Variants in PLPPR5 observed in about 807,000 individuals in gnomAD.
PLPPR5 encodes the protein phospholipid phosphatase related 5.
PLPPR5 carries 16 observed loss-of-function variants against 33.9 expected under a neutral mutation model. That is an observed-to-expected ratio of 0.47 (90% CI 0.32 to 0.72). PLPPR5 has a LOEUF of 0.72. Among genes scored for constraint, PLPPR5 ranks in the 30% least tolerant of loss-of-function variants. The pLI, the probability that PLPPR5 is intolerant of heterozygous loss-of-function variation, is 0.03. For synonymous variants in PLPPR5, 163 were observed against 150.3 expected (o/e 1.08, Z -0.62); for missense variants, 301 against 406.7 (o/e 0.74, Z 2.23).
chr1:98,912,968 C>A (rs1017409272), intron 5 of PLPPR5, among the ~76,000 whole-genome samples: 12 of 152,030 alleles, frequency 7.9e-5, no homozygotes, highest in African/African-American at 2.9e-4. Context: ...AATTATTTAG[C>A]TATTCTGGAA....
In PLPPR5 at chr1:98,953,176, C is replaced by T; in HGVS notation, c.515G>A (p.Ser172Asn). 1 of 1,614,114 alleles carries T rather than the reference C, an allele frequency of 6.2e-7. No homozygotes were observed. The highest frequency in any genetic ancestry group is 2.2e-5 in the East Asian group (1 of 44,860). ...LGCQQYTQFI[S>N]GEEACTGNPD... ...GTTGCCAGTACAGGCCTCTTCCCCA[C>T]TGATGAATTGTGTATACTGCTGACA... Residue 172 changes from serine (S) to asparagine (N), a missense_variant, in exon 3 of 6, where the codon AGT (serine) becomes AAT (asparagine). Transcript: ENST00000263177.
At chr1:98,997,737 T>C (rs1363838616) in intron 1 of PLPPR5, among the ~76,000 whole-genome samples, 1 of 152,220 alleles carries the variant, frequency 6.6e-6, no homozygotes, top group Non-Finnish European at 1.5e-5. Flanking sequence ...GTGCTAACCA[T>C]CTCCAATGAC....
At chr1:98,929,924 G>T (rs1344995142) in intron 3 of PLPPR5, among the ~76,000 whole-genome samples, 1 of 152,176 alleles carries the variant, frequency 6.6e-6, no homozygotes, top group East Asian at 1.9e-4. Flanking sequence ...CATAAAGATA[G>T]CTTGTGATAC....
At chr1:98,908,971 C>G (rs1191393409) in intron 5 of PLPPR5, among the ~76,000 whole-genome samples, 1 of 151,404 alleles carries the variant, frequency 6.6e-6, no homozygotes, top group Non-Finnish European at 1.5e-5. Flanking sequence ...TAGAGAGCAG[C>G]TTAAATAATT....
intron 3 of PLPPR5, among the ~76,000 whole-genome samples, chr1:98,933,289 C>A (rs1184021900): frequency 2.0e-5 from 3 of 151,766 alleles, no homozygotes; most frequent in African/African-American, 7.3e-5. Flanking sequence ...CGAGACCATC[C>A]TGGCTAACAC....
chr1:98,907,860 T>C (rs937909396), intron 5 of PLPPR5, among the ~76,000 whole-genome samples: 1 of 152,176 alleles, frequency 6.6e-6, no homozygotes, highest in Non-Finnish European at 1.5e-5. Flanking sequence ...TACTGATTAG[T>C]TCAGTCTAAC....
At chr1:98,941,591 C>T (rs2101192669) in intron 3 of PLPPR5, among the ~76,000 whole-genome samples, 1 of 150,884 alleles carries the variant, frequency 6.6e-6, no homozygotes, top group Non-Finnish European at 1.5e-5. Context: ...TTTAGAATGT[C>T]CAAGGAGAAA....
At chr1:98,954,489 A>G (rs927260233) in intron 2 of PLPPR5, among the ~76,000 whole-genome samples, 25 of 152,092 alleles carry the variant, frequency 1.6e-4, no homozygotes, top group Non-Finnish European at 3.1e-4. Context: ...ATAGTATATC[A>G]CCATAAAAGT....
chr1:98,913,175 T>C (rs929322526), intron 5 of PLPPR5, among the ~76,000 whole-genome samples: 1 of 152,220 alleles, frequency 6.6e-6, no homozygotes, highest in Non-Finnish European at 1.5e-5. Flanking sequence ...TGGGAAGCTA[T>C]TGCTTCTTTC....
At chr1:98,894,163 C>T (rs1050526804) in intron 5 of PLPPR5, among the ~76,000 whole-genome samples, 4 of 151,900 alleles carry the variant, frequency 2.6e-5, no homozygotes, top group African/African-American at 9.7e-5. Flanking sequence ...TAGAAAAAAA[C>T]AAAATTAGTA....
At chr1:98,997,518 T>C (rs142587682) in intron 1 of PLPPR5, among the ~76,000 whole-genome samples, 5 of 152,350 alleles carry the variant, frequency 3.3e-5, no homozygotes, top group African/African-American at 1.2e-4. Flanking sequence ...AACGAGATGA[T>C]TCTTTCTAAT....
At chr1:98,929,462 A>G (rs900939323) in intron 3 of PLPPR5, among the ~76,000 whole-genome samples, 1 of 152,212 alleles carries the variant, frequency 6.6e-6, no homozygotes, top group Non-Finnish European at 1.5e-5. Context: ...CTAACAAAAG[A>G]TTATGTCATT....
chr1:98,991,759 T>C (rs1458787604), intron 1 of PLPPR5, among the ~76,000 whole-genome samples: 1 of 152,188 alleles, frequency 6.6e-6, no homozygotes, highest in Admixed American at 6.6e-5. Flanking sequence ...AGACTTGATT[T>C]TTACATAGAA....
chr1:98,965,480 CT>C (rs570098349), intron 1 of PLPPR5, among the ~76,000 whole-genome samples: 2 of 152,080 alleles, frequency 1.3e-5, no homozygotes, highest in East Asian at 1.9e-4. Flanking sequence ...GTATCTAGCC[CT>C]TTTTTTTATT....
intron 3 of PLPPR5, among the ~76,000 whole-genome samples, chr1:98,930,034 A>T (rs1649908145): frequency 6.6e-6 from 1 of 152,222 alleles, no homozygotes; most frequent in East Asian, 1.9e-4. Flanking sequence ...CATCTCCAAG[A>T]TTTAAAATTC....
At chr1:98,933,861 C>A (rs1199425831) in intron 3 of PLPPR5, among the ~76,000 whole-genome samples, 3 of 152,164 alleles carry the variant, frequency 2.0e-5, no homozygotes, top group African/African-American at 7.2e-5. Flanking sequence ...GCAACGTGAG[C>A]AGATGTATCT....
In PLPPR5 at chr1:99,004,608, C is replaced by T; in HGVS notation, c.64G>A (p.Gly22Arg). The change falls in exon 1 of 6, where the codon GGG becomes AGG. Residue 22 changes from glycine to arginine, a missense_variant. By Grantham distance (125) the Gly-to-Arg change is moderately radical. Coordinates refer to ENST00000263177, the MANE Select transcript of PLPPR5 (RefSeq NM_001037317.2). ...AAGTAGTACGCCAGCATCACCGTCC[C>T]TGCCATGATCACCATCTGGAAATAG... ...MLYFQMVIMAGTVMLAYYFEY... is the reference protein window; with the variant it reads ...MLYFQMVIMARTVMLAYYFEY... 6.2e-7 allele frequency: 1 copy of T among 1,613,182 alleles called. No homozygotes were observed. The highest frequency in any genetic ancestry group is 1.7e-5 in the Admixed American group (1 of 60,028).
intron 1 of PLPPR5, among the ~76,000 whole-genome samples, chr1:98,993,972 G>T (rs1459014562): frequency 2.0e-5 from 3 of 152,088 alleles, no homozygotes; most frequent in African/African-American, 4.8e-5. Flanking sequence ...ATGCAGATAT[G>T]TCAGGGGTAC....
chr1:98,950,843 C>G (rs986859555), intron 3 of PLPPR5, among the ~76,000 whole-genome samples: 2 of 152,072 alleles, frequency 1.3e-5, no homozygotes, highest in Non-Finnish European at 2.9e-5. Context: ...AGCACCACAC[C>G]TGGCTGAGGT....
Sources: gnomAD v4.1 joint callset for allele counts (sites outside exome capture counted in the v4.1 genomes callset) on GRCh38, gnomAD v4.1.1 for gene constraint, MANE v1.5 for transcripts, NCBI Gene and HGNC (gene_info 2026-07-23, HGNC 2026-07-21) for gene names.